SLC1A1: variants seen among roughly 807,000 people sequenced by gnomAD.
SLC1A1 encodes the protein excitatory amino acid transporter 3.
A neutral mutation model predicts 53.3 loss-of-function variants in SLC1A1; 43 were observed. The observed-to-expected ratio is 0.81, with a 90% CI of 0.63 to 1.04. SLC1A1 has a LOEUF of 1.04. Among genes scored for constraint, SLC1A1 ranks in the 50% least tolerant of loss-of-function variants. SLC1A1 has a pLI of 0.00. For synonymous variants in SLC1A1, 307 were observed against 243.2 expected (o/e 1.26, Z -2.44); for missense variants, 748 against 664.9 (o/e 1.12, Z -1.37).
At chr9:4,535,890 C>T (rs1271153352) in intron 1 of SLC1A1, among the ~76,000 whole-genome samples, 1 of 151,994 alleles carries the variant, frequency 6.6e-6, no homozygotes. Context: ...AATAATGCTA[C>T]CTATCTACAA....
rs550160099 is a variant in SLC1A1, at chr9:4,505,081, A to C, written c.91+14311A>C. Among the ~76,000 whole-genome samples the C allele has an allele frequency of 8.5e-3, 1,070 of 126,450 alleles. 15 individuals are homozygous for C. The highest frequency in any genetic ancestry group is 0.03 in the African/African-American group (1,012 of 33,238). The allele number at this position is 126,450 out of a possible 152,430, so 83.0% of individuals were successfully genotyped here. ...TTTTTTTTTGAGATACAGCCTCACT[A>C]TGTCGCCCAGGCTGGAGTGCAGCGG... is the stretch of plus-strand genomic sequence containing the variant. On this transcript the variant is annotated intron_variant, in intron 1 of 11. Coordinates refer to ENST00000262352, the MANE Select transcript of SLC1A1 (RefSeq NM_004170.6).
Position 4,521,027 on chromosome 9 carries a change from T to C in SLC1A1, c.92-23540T>C, listed in dbSNP as rs143130632. Among the ~76,000 whole-genome samples the C allele has an allele frequency of 2.0e-3, 306 of 152,374 alleles. 1 individual carries two copies. Among genetic ancestry groups the C allele is most frequent in the Non-Finnish European group, 2.9e-3 (199 of 68,040 alleles). On this transcript the variant is annotated intron_variant, in intron 1 of 11. Coordinates refer to ENST00000262352, the MANE Select transcript of SLC1A1 (RefSeq NM_004170.6). ...TTTATATTTCCCTAATGACTAATAA[T>C]ATTCGACATCTTTTTATATGCTTAC...
chr9:4,555,222 C>G (rs1458666539), intron 2 of SLC1A1, among the ~76,000 whole-genome samples: 1 of 152,166 alleles, frequency 6.6e-6, no homozygotes, highest in Non-Finnish European at 1.5e-5. Flanking sequence ...GTTTTAACTC[C>G]TATGCAACAA....
At chr9:4,520,618 A>C in intron 1 of SLC1A1, among the ~76,000 whole-genome samples, 1 of 152,246 alleles carries the variant, frequency 6.6e-6, no homozygotes, top group East Asian at 1.9e-4. Flanking sequence ...TTTATGGCTG[A>C]ATATTATTCC....
In SLC1A1 at chr9:4,585,344, G is replaced by T; in HGVS notation, c.1361G>T (p.Gly454Val). The change falls in exon 12 of 12, where the codon GGT (glycine) becomes GTT (valine). Residue 454 changes from glycine (G) to valine (V), a missense_variant. Physicochemically the swap from Gly to Val is moderately radical, Grantham distance 109. Transcript: ENST00000262352. ...DRFRTMVNVL[G>V]DAFGTGIVEK... is the part of the protein sequence containing the mutation. The stretch of plus-strand genomic sequence containing the variant: ...TTCAGGACCATGGTCAACGTCCTTG[G>T]TGATGCTTTTGGGACGGGCATTGTG... The T allele has an allele frequency of 1.2e-6, 2 of 1,614,126 alleles. No homozygotes were observed. The highest frequency in any genetic ancestry group is 1.7e-6 in the Non-Finnish European group (2 of 1,180,016).
chr9:4,563,925 G>C (rs1819227569), intron 3 of SLC1A1, among the ~76,000 whole-genome samples: 1 of 152,164 alleles, frequency 6.6e-6, no homozygotes, highest in Non-Finnish European at 1.5e-5. Context: ...CAGCATCTGG[G>C]TAAAAGTTGC....
rs772136743 is a variant in SLC1A1 at position 4,566,055 on chromosome 9, T to C, written c.449T>C (p.Phe150Ser). The C allele has an allele frequency of 6.2e-7, 1 of 1,613,384 alleles. No individual in the cohort carries two copies. The highest frequency in any genetic ancestry group is 8.5e-7 in the Non-Finnish European group (1 of 1,179,354). ...DAMLDLIRNM[F>S]PENLVQACFQ... ...TTTTATGTCTCCAACAGGAATATGT[T>C]CCCTGAGAATCTTGTCCAGGCCTGT... The change falls in exon 5 of 12, where the codon TTC (phenylalanine) becomes TCC (serine). Residue 150 changes from phenylalanine (F) to serine (S), a missense_variant. Transcript: ENST00000262352.
chr9:4,507,777 A>G (rs1225755917), intron 1 of SLC1A1, among the ~76,000 whole-genome samples: 2 of 152,166 alleles, frequency 1.3e-5, no homozygotes, highest in Non-Finnish European at 2.9e-5. Context: ...ATCCAGGATG[A>G]TCGGCCACCT....
intron 11 of SLC1A1, among the ~76,000 whole-genome samples, chr9:4,584,921 C>A (rs982221974): frequency 4.6e-5 from 7 of 152,224 alleles, no homozygotes; most frequent in African/African-American, 1.7e-4. Flanking sequence ...CACCCAAGTT[C>A]TCTGACCTTT....
At position 4,537,444 on chromosome 9, in the gene SLC1A1, A is replaced by G. The variant is rs1274123797; in HGVS notation, c.92-7123A>G. On this transcript the variant is annotated intron_variant, in intron 1 of 11. Coordinates refer to ENST00000262352, the MANE Select transcript of SLC1A1 (RefSeq NM_004170.6). ...CGCGGTGGCGGGCGCCTGTAGTCCC[A>G]GCTACTCGGGAGGCTGAGGCAGGAG... Among the ~76,000 whole-genome samples the G allele has an allele frequency of 4.0e-5, 4 of 99,378 alleles. 1 individual carries two copies. In the East Asian group the frequency reaches 8.3e-4, roughly 21 times the overall value. The allele number at this position is 99,378 out of a possible 152,430, so 65.2% of individuals were successfully genotyped here. A position where few individuals can be genotyped will look rare whatever the true frequency, so the allele number is the denominator to read the frequency against.
At chr9:4,548,941 T>G (rs562537769) in intron 2 of SLC1A1, among the ~76,000 whole-genome samples, 1 of 152,340 alleles carries the variant, frequency 6.6e-6, no homozygotes, top group African/African-American at 2.4e-5. Flanking sequence ...CTGCTAACAT[T>G]TAGGCTTGTA....
chr9:4,553,947 T>C (rs1474929228), intron 2 of SLC1A1: 1 of 152,188 alleles, frequency 6.6e-6, no homozygotes, highest in Non-Finnish European at 1.5e-5. Context: ...GCTGCAGAGA[T>C]TTCCCTATGC....
In SLC1A1 at chr9:4,585,526, A is replaced by ACCATC; in HGVS notation, c.1544_1548dup (p.Ser517ProfsTer17). The ACCATC allele has an allele frequency of 6.2e-7, 1 of 1,614,208 alleles. No homozygotes were observed. Among genetic ancestry groups the ACCATC allele is most frequent in the Non-Finnish European group, 8.5e-7 (1 of 1,180,032 alleles). ...AGGCTTTGCAGTAGACAAGTCTGAC[A>ACCATC]CCATCTCATTCACCCAGACCTCACA... On this transcript the variant is annotated frameshift_variant, in exon 12 of 12. Transcript: ENST00000262352. LOFTEE classifies it high-confidence loss of function.
At chr9:4,503,633 A>G (rs1453198053) in intron 1 of SLC1A1, among the ~76,000 whole-genome samples, 2 of 151,874 alleles carry the variant, frequency 1.3e-5, no homozygotes, top group East Asian at 1.9e-4. Flanking sequence ...GATGATACAC[A>G]TAAGGAGGGC....
intron 1 of SLC1A1, among the ~76,000 whole-genome samples, chr9:4,499,697 A>C (rs1820569017): frequency 6.6e-6 from 1 of 152,258 alleles, no homozygotes; most frequent in Non-Finnish European, 1.5e-5. Flanking sequence ...TCCTATGAGG[A>C]AGACTGAATA....
intron 1 of SLC1A1, among the ~76,000 whole-genome samples, chr9:4,529,908 T>C (rs1400638710): frequency 2.0e-5 from 3 of 152,192 alleles, no homozygotes; most frequent in African/African-American, 4.8e-5. Context: ...TTTAGAGTTC[T>C]CAGTCACCTG....
chr9:4,579,530 A>G (rs1454317680), intron 10 of SLC1A1, among the ~76,000 whole-genome samples: 1 of 152,208 alleles, frequency 6.6e-6, no homozygotes, highest in African/African-American at 2.4e-5. Context: ...CTCTGGGCCT[A>G]GAAGCTAAAT....
chr9:4,550,233 C>A (rs925039124), intron 2 of SLC1A1, among the ~76,000 whole-genome samples: 5 of 152,174 alleles, frequency 3.3e-5, no homozygotes, highest in African/African-American at 1.2e-4. Flanking sequence ...AATTGAGGAT[C>A]TTCTCCAAAG....
intron 2 of SLC1A1, among the ~76,000 whole-genome samples, chr9:4,552,956 G>A (rs1030247829): frequency 6.6e-6 from 1 of 151,962 alleles, no homozygotes; most frequent in African/African-American, 2.4e-5. Context: ...TTCTGGAAAT[G>A]AGAACAATAT....
Sources: gnomAD v4.1 joint callset for allele counts (sites outside exome capture counted in the v4.1 genomes callset) on GRCh38, gnomAD v4.1.1 for gene constraint, MANE v1.5 for transcripts, NCBI Gene and HGNC (gene_info 2026-07-23, HGNC 2026-07-21) for gene names.